Variants in USP6NL observed in about 807,000 individuals in gnomAD.
The protein encoded by USP6NL is USP6 N-terminal-like protein.
In USP6NL, 26 loss-of-function variants were observed where a neutral mutation model predicts 61.9. The ratio of observed to expected loss-of-function variants is 0.42; its 90% confidence interval spans 0.31 to 0.58. The LOEUF (loss-of-function observed/expected upper bound fraction) is 0.58. Ranked by LOEUF, USP6NL falls within the 20% of genes least tolerant of loss-of-function variation. USP6NL has a pLI of 0.16. For missense variants in USP6NL, 1,114 were observed against 1,034.3 expected (o/e 1.08, Z -1.06); for synonymous variants, 432 against 390.1 (o/e 1.11, Z -1.27).
At chr10:11,544,780 C>T (rs926666736) in intron 2 of USP6NL, among the ~76,000 whole-genome samples, 3 of 152,148 alleles carry the variant, frequency 2.0e-5, no homozygotes, top group Non-Finnish European at 2.9e-5. Flanking sequence ...TGAGCCACCA[C>T]GCCTGGCCAG....
chr10:11,579,472 C>T (rs755200554), intron 2 of USP6NL, among the ~76,000 whole-genome samples: 8 of 152,198 alleles, frequency 5.3e-5, no homozygotes, highest in African/African-American at 1.9e-4. Flanking sequence ...ACATGCAGTG[C>T]GCACATGACA....
intron 2 of USP6NL, among the ~76,000 whole-genome samples, chr10:11,570,836 G>A (rs917152365): frequency 1.3e-5 from 2 of 152,122 alleles, no homozygotes. Flanking sequence ...ACATTTGAAG[G>A]GAAAACGGTG....
At chr10:11,538,250 T>C (rs182301982) in intron 2 of USP6NL, among the ~76,000 whole-genome samples, 97 of 152,320 alleles carry the variant, frequency 6.4e-4, no homozygotes, top group African/African-American at 2.3e-3. Flanking sequence ...CCTTTTTTTT[T>C]CTCAAATTTA....
At position 11,470,587 on chromosome 10, in the gene USP6NL, G is replaced by T. The variant is rs1832697840; in HGVS notation, c.1079-6738C>A. On this transcript the variant is annotated intron_variant, in intron 14 of 14. Coordinates refer to ENST00000609104, the MANE Select transcript of USP6NL (RefSeq NM_014688.5). The surrounding 1 kb of genome is among the most constrained non-coding windows in gnomAD (Gnocchi z 5.4). ...TCCAAATAAAGCATTCAACATTTTGGTGTGATCTATTTTCAGAGCTATCTC... is the reference window on the plus strand; with the variant it reads ...TCCAAATAAAGCATTCAACATTTTGTTGTGATCTATTTTCAGAGCTATCTC... 6.6e-6 allele frequency among the ~76,000 whole-genome samples: 1 copy of T among 152,090 alleles called. No homozygotes were observed. The highest frequency in any genetic ancestry group is 6.5e-5 in the Admixed American group (1 of 15,270).
intron 10 of USP6NL, 138 bp downstream of exon 10, chr10:11,488,964 G>T: frequency 8.9e-7 from 1 of 1,124,272 alleles, no homozygotes; most frequent in Non-Finnish European, 1.2e-6. Flanking sequence ...GAAGAAACTA[G>T]TAACAAATAC....
chr10:11,585,611 G>A lies in USP6NL; in HGVS notation c.4+12020C>T, dbSNP rs376551503. ...CGGGATGCGGAGCTTTCAGTGAGCC[G>A]TGATCAAGGACACTGCACTCCAGCC... On this transcript the variant is annotated intron_variant, in intron 2 of 14. Transcript: ENST00000609104. This position sits in a 1 kb window ranked among gnomAD's most constrained non-coding sequence, Gnocchi z 4.5. Among the ~76,000 whole-genome samples the A allele has an allele frequency of 6.6e-5, 10 of 152,172 alleles. No homozygotes were observed. Among genetic ancestry groups the A allele is most frequent in the African/African-American group, 1.7e-4 (7 of 41,496 alleles).
intron 2 of USP6NL, among the ~76,000 whole-genome samples, chr10:11,588,873 A>T (rs1838066226): frequency 1.3e-5 from 2 of 152,230 alleles, no homozygotes; most frequent in African/African-American, 4.8e-5. Flanking sequence ...TCCTTTTAAC[A>T]GTCAGTTTGG....
intron 2 of USP6NL, among the ~76,000 whole-genome samples, chr10:11,557,400 C>T (rs909533244): frequency 2.6e-5 from 4 of 152,130 alleles, no homozygotes; most frequent in Non-Finnish European, 4.4e-5. Flanking sequence ...TGCCTTTTTA[C>T]GATAAAACCA....
At chr10:11,466,455 C>G (rs1026710826) in intron 14 of USP6NL, among the ~76,000 whole-genome samples, 3 of 152,214 alleles carry the variant, frequency 2.0e-5, no homozygotes, top group African/African-American at 7.2e-5. Flanking sequence ...GAATTTGAAT[C>G]TGCCACAATA....
At position 11,562,858 on chromosome 10, in the gene USP6NL, C is replaced by G; in HGVS notation, c.4+34773G>C. The G allele has an allele frequency of 1.1e-6, 1 of 880,662 alleles. No individual in the cohort carries two copies. Among genetic ancestry groups the G allele is most frequent in the Non-Finnish European group, 1.4e-6 (1 of 734,716 alleles). 54.6% of individuals were successfully genotyped at this position (880,662 alleles called of 1,614,324 possible). On this transcript the variant is annotated intron_variant, in intron 2 of 14. Transcript: ENST00000609104. The surrounding 1 kb of genome is among the most constrained non-coding windows in gnomAD (Gnocchi z 4.8). The stretch of plus-strand genomic sequence containing the variant: ...AATAGTAAGGGTCTTTTGGTAGTTT[C>G]TTGAAAAAGTAGACATCCACTTACC...
intron 2 of USP6NL, among the ~76,000 whole-genome samples, chr10:11,556,933 G>C (rs1836729361): frequency 6.6e-6 from 1 of 152,208 alleles, no homozygotes; most frequent in Admixed American, 6.5e-5. Flanking sequence ...CCAGCCAACT[G>C]AGGACCTGGT....
Position 11,460,586 on chromosome 10 carries a change from TAAG to T in USP6NL, c.*1852_*1854del, listed in dbSNP as rs1213259254. On this transcript the variant is annotated 3_prime_UTR_variant, in exon 15 of 15. Transcript: ENST00000609104. ...CAGATAAAAAATGTCATAAATGACA[TAAG>T]AAAATAGTGCTTGTGTGTATATATA... 1 of 147,612 alleles carries T rather than the reference TAAG, an allele frequency of 6.8e-6. No individual in the cohort carries two copies. The highest frequency in any genetic ancestry group is 2.5e-5 in the African/African-American group (1 of 40,490). 9.1% of individuals were successfully genotyped at this position (147,612 alleles called of 1,614,324 possible).
chr10:11,493,345 T>TA (rs899637770), intron 7 of USP6NL, 117 bp from the exon 8 acceptor site: 42 of 821,916 alleles, frequency 5.1e-5, no homozygotes, highest in Middle Eastern at 2.3e-4. Context: ...ACTCAATGGT[T>TA]AAAAAAAATC....
chr10:11,463,013 G>A lies in USP6NL; in HGVS notation c.1915C>T (p.His639Tyr), dbSNP rs2096222695. The change falls in exon 15 of 15, where the codon CAC becomes TAC. Residue 639 changes from histidine to tyrosine, a missense_variant. Transcript: ENST00000609104. This position sits in a 1 kb window ranked among gnomAD's most constrained non-coding sequence, Gnocchi z 6.3. ...GGGAAGTGTTTGGGAGAGTTTCCGT[G>A]GTAAACGGGGGGATTGCTGTAGGAG... The part of the protein sequence containing the change: ...PPSYSNPPVY[H>Y]GNSPKHFPTA... 6.2e-7 allele frequency: 1 copy of A among 1,613,902 alleles called. No individual in the cohort carries two copies. Among genetic ancestry groups the A allele is most frequent in the Non-Finnish European group, 8.5e-7 (1 of 1,179,856 alleles).
intron 1 of USP6NL, among the ~76,000 whole-genome samples, chr10:11,606,779 G>A (rs1838717187): frequency 6.6e-6 from 1 of 150,544 alleles, no homozygotes; most frequent in African/African-American, 2.4e-5. Flanking sequence ...GGTGAAGACA[G>A]ATTTTGAAAT....
rs112761648 is a variant in USP6NL, at chr10:11,580,867, TGATGGATG to T, written c.4+16756_4+16763del. ...AATGGATGAATGACGAACGGATAGA[TGATGGATG>T]GATGGATGGATGGATGGATGGATGG... On this transcript the variant is annotated intron_variant, in intron 2 of 14. Transcript: ENST00000609104. 7.2e-3 allele frequency among the ~76,000 whole-genome samples: 1,072 copies of T among 149,852 alleles called. 6 individuals are homozygous for T. Among genetic ancestry groups the T allele is most frequent in the African/African-American group, 0.024 (994 of 40,672 alleles).
At chr10:11,514,701 G>C (rs1334244170) in intron 5 of USP6NL, among the ~76,000 whole-genome samples, 3 of 152,186 alleles carry the variant, frequency 2.0e-5, no homozygotes, top group Non-Finnish European at 4.4e-5. Flanking sequence ...TCAAGAACCT[G>C]TGATTCCCTG....
At chr10:11,516,575 T>C (rs186592080) in intron 5 of USP6NL, among the ~76,000 whole-genome samples, 287 of 152,142 alleles carry the variant, frequency 1.9e-3, no homozygotes, top group African/African-American at 6.7e-3. Flanking sequence ...CATTCCACTT[T>C]AAAGAAACCA....
rs185894680 is a variant in USP6NL at position 11,585,165 on chromosome 10, T to C, written c.4+12466A>G. The stretch of plus-strand genomic sequence containing the variant: ...AAAGTTATCTTGTCTAACAAGGAAA[T>C]AGCACCTCACTAGGATGGCTACTAC... On this transcript the variant is annotated intron_variant, in intron 2 of 14. Coordinates refer to ENST00000609104, the MANE Select transcript of USP6NL (RefSeq NM_014688.5). This position sits in a 1 kb window ranked among gnomAD's most constrained non-coding sequence, Gnocchi z 4.5. 8.8e-4 allele frequency among the ~76,000 whole-genome samples: 134 copies of C among 152,162 alleles called. No homozygotes were observed. The East Asian group carries it at 0.02, about 23-fold the overall frequency.
Sources: allele counts gnomAD v4.1 joint callset (sites outside exome capture counted in the v4.1 genomes callset), GRCh38; gene constraint gnomAD v4.1.1; non-coding constraint Gnocchi (gnomAD v3.1); transcripts MANE v1.5; gene names NCBI Gene and HGNC (gene_info 2026-07-23, HGNC 2026-07-21).